Variants in PISD observed in about 807,000 individuals in gnomAD.
The protein encoded by PISD is phosphatidylserine decarboxylase proenzyme, mitochondrial.
A neutral mutation model predicts 43.5 loss-of-function variants in PISD; 31 were observed. The ratio of observed to expected loss-of-function variants is 0.71; its 90% CI spans 0.54 to 0.96. The LOEUF is 0.96. Ranked by LOEUF, PISD falls within the 40% of genes least tolerant of loss-of-function variation. The pLI is 0.00. For synonymous variants in PISD, 259 were observed against 228.7 expected, an observed-to-expected ratio of 1.13 and a Z score of -1.20; for missense variants, 523 against 548.4, an observed-to-expected ratio of 0.95 and a Z score of 0.46.
At chr22:31,659,772 CG>C (rs1445312550) in intron 1 of PISD, among the ~76,000 whole-genome samples, 2 of 151,908 alleles carry the variant, frequency 1.3e-5, no homozygotes, top group African/African-American at 4.8e-5. Context: ...TTGTTAGAGA[CG>C]GGGTTTCAGC....
At chr22:31,623,879 G>T (rs984570397) in intron 3 of PISD, 14 of 1,600,410 alleles carry the variant, frequency 8.7e-6, no homozygotes, top group Non-Finnish European at 1.2e-5. Context: ...GCACAGCCAG[G>T]TCAGTGGCCA....
chr22:31,647,901 A>T, intron 3 of PISD, among the ~76,000 whole-genome samples, 200 bp downstream of exon 3: 2 of 152,348 alleles, frequency 1.3e-5, no homozygotes, highest in South Asian at 4.1e-4. Flanking sequence ...TGGGGAGACC[A>T]GGGTAAGGTC....
chr22:31,618,811 G>T lies in PISD; in HGVS notation c.*801C>A, dbSNP rs891939891. On this transcript the variant is annotated 3_prime_UTR_variant, in exon 8 of 8. Coordinates refer to ENST00000439502, the MANE Select transcript of PISD (RefSeq NM_001326411.2). ...TAGCAGCAACTTTCCCATATTTCATGTAGGGATATGTGGAGGGGGACAGGA... is the reference window on the plus strand; with the variant it reads ...TAGCAGCAACTTTCCCATATTTCATTTAGGGATATGTGGAGGGGGACAGGA... 3 of 166,234 alleles carry T rather than the reference G, an allele frequency of 1.8e-5. No individual in the cohort carries two copies. The highest frequency in any genetic ancestry group is 3.9e-5 in the Non-Finnish European group (3 of 77,214). 10.3% of individuals were successfully genotyped at this position (166,234 alleles called of 1,614,324 possible).
chr22:31,619,778 A>G lies in PISD; in HGVS notation c.1064T>C (p.Val355Ala). 1 of 1,614,224 alleles carries G rather than the reference A, an allele frequency of 6.2e-7. No individual in the cohort carries two copies. Among genetic ancestry groups the G allele is most frequent in the Admixed American group, 1.7e-5 (1 of 60,030 alleles). ...GACGCCCTCTCTATTGGTGTGCGTC[A>G]CGAAGCTGAAGTCATTGTAGGAGCC... The part of the protein sequence containing the change: ...SKGSYNDFSF[V>A]THTNREGVPM... Residue 355 changes from valine to alanine, a missense_variant, in exon 8 of 8, where the codon GTG (valine) becomes GCG (alanine). Coordinates refer to ENST00000439502, the MANE Select transcript of PISD (RefSeq NM_001326411.2).
chr22:31,624,012 C>A (rs559830263), intron 3 of PISD, among the ~76,000 whole-genome samples: 1 of 152,246 alleles, frequency 6.6e-6, no homozygotes, highest in Non-Finnish European at 1.5e-5. Context: ...TGGCTGTGCC[C>A]CCTCGTCCCA....
chr22:31,629,234 G>A (rs548400199), intron 3 of PISD: 19 of 985,222 alleles, frequency 1.9e-5, no homozygotes, highest in Admixed American at 6.2e-5. Flanking sequence ...TGTTGTGCGT[G>A]AGGGGTAGGT....
Position 31,627,988 on chromosome 22 carries a change from G to A in PISD, c.322-6103C>T, listed in dbSNP as rs1157018520. 6 of 981,668 alleles carry A rather than the reference G, an allele frequency of 6.1e-6. No individual in the cohort carries two copies. The East Asian group carries it at 6.8e-4, about 111-fold the overall frequency. 60.8% of individuals were successfully genotyped at this position (981,668 alleles called of 1,614,324 possible). A position where few individuals can be genotyped will look rare whatever the true frequency, so the allele number is the denominator to read the frequency against. Reference sequence around the variant, plus strand: ...ACTAAGAACCATCCTGAGAGGCCAGGCTGGGGCACCGCACCTGCCAGTGAG... The same window carrying A: ...ACTAAGAACCATCCTGAGAGGCCAGACTGGGGCACCGCACCTGCCAGTGAG... On this transcript the variant is annotated intron_variant, in intron 3 of 7. Transcript: ENST00000439502.
At chr22:31,629,193 T>G in intron 3 of PISD, 2 of 985,346 alleles carry the variant, frequency 2.0e-6, no homozygotes, top group Non-Finnish European at 2.4e-6. Context: ...CAGGCAGCAG[T>G]TACTACAGGT....
intron 3 of PISD, chr22:31,626,145 T>G: frequency 1.2e-6 from 1 of 844,306 alleles, no homozygotes; most frequent in Non-Finnish European, 1.6e-6. Context: ...CTGTCCCTGC[T>G]ACCCAGGGCT....
At chr22:31,639,805 C>T (rs1025169290) in intron 3 of PISD, among the ~76,000 whole-genome samples, 4 of 152,152 alleles carry the variant, frequency 2.6e-5, no homozygotes, top group African/African-American at 9.7e-5. Context: ...GCTCACTCAC[C>T]GCGGCTCTGA....
chr22:31,655,854 C>T (rs930230438), intron 1 of PISD, among the ~76,000 whole-genome samples: 2 of 151,780 alleles, frequency 1.3e-5, no homozygotes, highest in African/African-American at 4.8e-5. Flanking sequence ...CCAGGCTGGG[C>T]TCGAACTCCT....
At chr22:31,628,325 C>T (rs754259995) in intron 3 of PISD, 2 of 362,598 alleles carry the variant, frequency 5.5e-6, no homozygotes, top group Non-Finnish European at 7.7e-6. Flanking sequence ...CCTGGCTTGC[C>T]CTCTGCCTAT....
At chr22:31,648,952 C>T (rs1569491618) in intron 2 of PISD, among the ~76,000 whole-genome samples, 1 of 152,182 alleles carries the variant, frequency 6.6e-6, no homozygotes, top group Non-Finnish European at 1.5e-5. Context: ...AACACCATTT[C>T]TCACCCAGGG....
intron 3 of PISD, chr22:31,628,068 C>G (rs998439350): frequency 1.2e-5 from 12 of 985,366 alleles, no homozygotes; most frequent in Non-Finnish European, 1.3e-5. Context: ...TATCACTGTT[C>G]TGCCTCTTCT....
At position 31,630,759 on chromosome 22, in the gene PISD, C is replaced by G. The variant is rs941163287; in HGVS notation, c.322-8874G>C. On this transcript the variant is annotated intron_variant, in intron 3 of 7. Coordinates refer to ENST00000439502, the MANE Select transcript of PISD (RefSeq NM_001326411.2). This position sits in a 1 kb window ranked among gnomAD's most constrained non-coding sequence, Gnocchi z 4.4. ...GGTGGGGCGCCTCCCTGAGAAGTCA[C>G]CTGGGGCTCCCGGCAGGGCCGGGGC... The G allele has an allele frequency of 2.0e-6, 2 of 985,494 alleles. No individual in the cohort carries two copies. The highest frequency in any genetic ancestry group is 1.7e-5 in the African/African-American group (1 of 57,240). The allele number at this position is 985,494 out of a possible 1,614,324, so 61.0% of individuals were successfully genotyped here.
chr22:31,652,740 A>G (rs1055698525), intron 1 of PISD, among the ~76,000 whole-genome samples: 2 of 150,544 alleles, frequency 1.3e-5, no homozygotes, highest in African/African-American at 4.9e-5. Context: ...AAAACAAAAC[A>G]AACACCCCCC....
intron 1 of PISD, among the ~76,000 whole-genome samples, chr22:31,656,257 T>C (rs1017971366): frequency 2.0e-5 from 3 of 151,854 alleles, no homozygotes; most frequent in Non-Finnish European, 4.4e-5. Context: ...GGCAGGAGAA[T>C]TGCTTGAACC....
chr22:31,640,043 TCA>T (rs2073643579), intron 3 of PISD, among the ~76,000 whole-genome samples: 1 of 152,078 alleles, frequency 6.6e-6, no homozygotes, highest in Non-Finnish European at 1.5e-5. Context: ...ACAGGTTGAA[TCA>T]GGGACTCAAG....
In PISD at chr22:31,621,316, G is replaced by T; in HGVS notation, c.697+18C>A. The T allele has an allele frequency of 6.2e-7, 1 of 1,613,812 alleles. No homozygotes were observed. Among genetic ancestry groups the T allele is most frequent in the Non-Finnish European group, 8.5e-7 (1 of 1,179,906 alleles). ...CACAGCAGCAGGGCTGCCTAGCCCC[G>T]CCTGTGCAGTGACCCACCTGGTGGG... On this transcript the variant is annotated intron_variant, in intron 5 of 7. Transcript: ENST00000439502.
Sources: allele counts gnomAD v4.1 joint callset (sites outside exome capture counted in the v4.1 genomes callset), GRCh38; gene constraint gnomAD v4.1.1; non-coding constraint Gnocchi (gnomAD v3.1); transcripts MANE v1.5; gene names NCBI Gene and HGNC (gene_info 2026-07-23, HGNC 2026-07-21).